The following PTPRE variants were observed in gnomAD, a reference collection of about 807,000 sequenced individuals.
PTPRE encodes the protein receptor-type tyrosine-protein phosphatase epsilon.
Under a neutral mutation model 102.0 loss-of-function variants are expected in PTPRE, and 51 were observed. The ratio of observed to expected loss-of-function variants is 0.50; its 90% CI spans 0.40 to 0.63. The LOEUF (loss-of-function observed/expected upper bound fraction) is 0.63. Among genes scored for constraint, PTPRE ranks in the 30% least tolerant of loss-of-function variants. PTPRE has a pLI of 0.00. For missense variants in PTPRE, 752 were observed against 915.1 expected (o/e 0.82, Z 2.30); for synonymous variants, 345 against 348.2 (o/e 0.99, Z 0.10).
At chr10:128,082,699 G>T in intron 20 of PTPRE, 133 bp from the exon 21 acceptor site, 1 of 1,015,444 alleles carries the variant, frequency 9.8e-7, no homozygotes, top group Non-Finnish European at 1.4e-6. Flanking sequence ...ACTAAATTAC[G>T]ATGTGCATAA....
intron 20 of PTPRE, among the ~76,000 whole-genome samples, chr10:128,082,525 GT>G (rs528015137): frequency 1.6e-4 from 23 of 144,456 alleles, no homozygotes; most frequent in Non-Finnish European, 1.5e-4. Flanking sequence ...CTGGTTTTTT[GT>G]TTTTTTTTTT....
In PTPRE at chr10:128,028,389, C is replaced by T. The variant is rs1410868264; in HGVS notation, c.-7-12486C>T. Among the ~76,000 whole-genome samples the T allele has an allele frequency of 6.6e-6, 1 of 152,142 alleles. No individual in the cohort carries two copies. Among genetic ancestry groups the T allele is most frequent in the Non-Finnish European group, 1.5e-5 (1 of 68,028 alleles). ...CCTGAAGGATATCATTGAGCCCGCG[C>T]CCGCCCCAGGCTGGAATTGCTGGGC... On this transcript the variant is annotated intron_variant, in intron 2 of 20. Coordinates refer to ENST00000254667, the MANE Select transcript of PTPRE (RefSeq NM_006504.6). This position sits in a 1 kb window ranked among gnomAD's most constrained non-coding sequence, Gnocchi z 4.5.
At chr10:127,994,010 C>T (rs1424762716) in intron 2 of PTPRE, among the ~76,000 whole-genome samples, 2 of 152,178 alleles carry the variant, frequency 1.3e-5, no homozygotes, top group East Asian at 3.9e-4. Flanking sequence ...GGTCATACCC[C>T]GGCACATGTC....
At chr10:128,004,296 C>T (rs1854288306) in intron 2 of PTPRE, among the ~76,000 whole-genome samples, 1 of 151,742 alleles carries the variant, frequency 6.6e-6, no homozygotes, top group Non-Finnish European at 1.5e-5. Flanking sequence ...GTAAAATTCA[C>T]ATAACATAAA....
At chr10:127,953,239 G>C (rs1448132744) in intron 1 of PTPRE, among the ~76,000 whole-genome samples, 3 of 152,246 alleles carry the variant, frequency 2.0e-5, no homozygotes, top group Admixed American at 1.3e-4. Context: ...AGCAGACCCA[G>C]TGGTGCTTGC....
intron 2 of PTPRE, among the ~76,000 whole-genome samples, chr10:127,991,401 T>A (rs1425618159): frequency 6.6e-6 from 1 of 152,132 alleles, no homozygotes; most frequent in African/African-American, 2.4e-5. Flanking sequence ...CTTTAAAAAA[T>A]TCTTTCTGAT....
intron 2 of PTPRE, among the ~76,000 whole-genome samples, chr10:128,002,655 G>T (rs1854052696): frequency 8.5e-6 from 1 of 118,282 alleles, no homozygotes; most frequent in African/African-American, 3.2e-5. Context: ...AATGTCAATT[G>T]TCTTTGCAGT....
At chr10:128,078,731 A>T (rs188745941) in intron 19 of PTPRE, among the ~76,000 whole-genome samples, 1 of 152,360 alleles carries the variant, frequency 6.6e-6, no homozygotes, top group East Asian at 1.9e-4. Flanking sequence ...CCAAGAAATC[A>T]TTTAGGATAA....
At chr10:128,041,873 C>T (rs150551936) in intron 3 of PTPRE, among the ~76,000 whole-genome samples, 8 of 152,174 alleles carry the variant, frequency 5.3e-5, no homozygotes, top group African/African-American at 1.9e-4. Flanking sequence ...ACATGATTCC[C>T]TAACCCTGGA....
intron 1 of PTPRE, among the ~76,000 whole-genome samples, chr10:127,928,005 G>A (rs2135218570): frequency 6.6e-6 from 1 of 152,232 alleles, no homozygotes; most frequent in East Asian, 1.9e-4. Flanking sequence ...TAACACAATT[G>A]ATGCACTCTT....
At chr10:127,985,763 A>T (rs780176655) in intron 2 of PTPRE, among the ~76,000 whole-genome samples, 23 of 152,036 alleles carry the variant, frequency 1.5e-4, no homozygotes, top group Non-Finnish European at 2.8e-4. Context: ...TACTAGCAGT[A>T]TTCCAATTTT....
intron 11 of PTPRE, among the ~76,000 whole-genome samples, chr10:128,067,361 C>T (rs1447185918): frequency 2.5e-5 from 3 of 120,620 alleles, no homozygotes; most frequent in East Asian, 3.1e-4. Flanking sequence ...CACACGCACA[C>T]GTGCACACAT....
chr10:128,083,508 A>T lies in PTPRE; in HGVS notation c.*602A>T, dbSNP rs1851886275. ...CTAGAGTAGCTGGTGACTATAAATA[A>T]TATTTTAAAATGCTGTGTCTACACC... is the stretch of plus-strand genomic sequence containing the variant. On this transcript the variant is annotated 3_prime_UTR_variant, in exon 21 of 21. Coordinates refer to ENST00000254667, the MANE Select transcript of PTPRE (RefSeq NM_006504.6). 1 of 152,278 alleles carries T rather than the reference A, an allele frequency of 6.6e-6. No homozygotes were observed. The highest frequency in any genetic ancestry group is 6.5e-5 in the Admixed American group (1 of 15,280). 9.4% of individuals were successfully genotyped at this position (152,278 alleles called of 1,614,324 possible).
intron 11 of PTPRE, among the ~76,000 whole-genome samples, chr10:128,066,627 TAAGA>T (rs1441960689): frequency 1.3e-5 from 2 of 152,186 alleles, no homozygotes; most frequent in African/African-American, 2.4e-5. Flanking sequence ...CCAAAAGGTT[TAAGA>T]GAGAGATCAG....
At chr10:128,016,431 A>G (rs1431450186) in intron 2 of PTPRE, among the ~76,000 whole-genome samples, 1 of 148,766 alleles carries the variant, frequency 6.7e-6, no homozygotes, top group Non-Finnish European at 1.5e-5. Context: ...ACCTAAAACT[A>G]CTCTAAAAGC....
intron 1 of PTPRE, among the ~76,000 whole-genome samples, chr10:127,912,594 T>C (rs182546930): frequency 7.4e-4 from 113 of 152,292 alleles, no homozygotes; most frequent in African/African-American, 2.5e-3. Flanking sequence ...TTGATGTTAG[T>C]GTTTGTTGGG....
rs551534880 is a variant in PTPRE at position 128,044,582 on chromosome 10, GTGTA to G, written c.110-2798_110-2795del. ...AAACACACACACACACAAGTTGCAAGTGTATGTATGTATAAAATTGGTGTGAACA... is the reference window on the plus strand; with the variant it reads ...AAACACACACACACACAAGTTGCAAGTGTATGTATAAAATTGGTGTGAACA... On this transcript the variant is annotated intron_variant, in intron 3 of 20. Transcript: ENST00000254667. Among the ~76,000 whole-genome samples the G allele has an allele frequency of 3.4e-3, 525 of 152,350 alleles. 3 individuals are homozygous for G. The highest frequency in any genetic ancestry group is 5.6e-3 in the Non-Finnish European group (381 of 68,044).
At chr10:128,030,453 C>T (rs1015873242) in intron 2 of PTPRE, among the ~76,000 whole-genome samples, 4 of 152,136 alleles carry the variant, frequency 2.6e-5, no homozygotes, top group Non-Finnish European at 4.4e-5. Flanking sequence ...CAGAGAGAGA[C>T]GTCGAACCAG....
chr10:127,945,383 A>G (rs563671255), intron 1 of PTPRE, among the ~76,000 whole-genome samples: 152 of 152,334 alleles, frequency 1.0e-3, no homozygotes, highest in Admixed American at 1.6e-3. Context: ...CTGAAGCCCA[A>G]GGCAACATGC....
Sources: allele counts gnomAD v4.1 joint callset (sites outside exome capture counted in the v4.1 genomes callset), GRCh38; gene constraint gnomAD v4.1.1; non-coding constraint Gnocchi (gnomAD v3.1); transcripts MANE v1.5; gene names NCBI Gene and HGNC (gene_info 2026-07-23, HGNC 2026-07-21).